INSR: variants seen among roughly 807,000 people sequenced by gnomAD.
The protein encoded by INSR is insulin receptor.
In INSR, 67 loss-of-function variants were observed where a neutral mutation model predicts 142.6. The observed-to-expected ratio is 0.47, with a 90% CI of 0.39 to 0.58. The LOEUF is 0.58. Ranked by LOEUF, INSR falls within the 20% of genes least tolerant of loss-of-function variation. The probability of loss-of-function intolerance (pLI) is 0.00; values close to 1 mark genes in which losing one functional copy is unlikely to be tolerated. For synonymous variants in INSR, 756 were observed against 743.1 expected (o/e 1.02, Z -0.28); for missense variants, 1,248 against 1,833.2 (o/e 0.68, Z 5.83).
intron 14 of INSR, among the ~76,000 whole-genome samples, chr19:7,131,123 G>A (rs1424232762): frequency 5.3e-5 from 8 of 150,072 alleles, no homozygotes; most frequent in African/African-American, 1.5e-4. Context: ...CAAGTGATCC[G>A]CCCACCTCGG....
chr19:7,186,111 G>A lies in INSR; in HGVS notation c.653-1474C>T, dbSNP rs111715044. Among the ~76,000 whole-genome samples, 1,158 of 152,118 alleles carry A rather than the reference G, an allele frequency of 7.6e-3. 17 individuals carry two copies. Among genetic ancestry groups the A allele is most frequent in the East Asian group, 0.029 (151 of 5,174 alleles). On this transcript the variant is annotated intron_variant, in intron 2 of 21. Transcript: ENST00000302850. Reference sequence around the variant, plus strand: ...CTCAGGAGGCTGAGGCAGGAGAATCGCTTGAACCTGGGAGGGGAGGTTGCA... The same window carrying A: ...CTCAGGAGGCTGAGGCAGGAGAATCACTTGAACCTGGGAGGGGAGGTTGCA...
At chr19:7,165,841 T>G (rs1599934272) in intron 8 of INSR, among the ~76,000 whole-genome samples, 2 of 143,042 alleles carry the variant, frequency 1.4e-5, no homozygotes, top group Non-Finnish European at 3.0e-5. Flanking sequence ...CCAGTCCGGG[T>G]GACAGAGTGA....
chr19:7,139,543 G>A (rs1308424500), intron 13 of INSR, among the ~76,000 whole-genome samples: 1 of 152,082 alleles, frequency 6.6e-6, no homozygotes, highest in Non-Finnish European at 1.5e-5. Context: ...ATGGATTAGA[G>A]GCATATGCAC....
At chr19:7,145,916 G>T (rs370444579) in intron 11 of INSR, among the ~76,000 whole-genome samples, 39 of 152,324 alleles carry the variant, frequency 2.6e-4, no homozygotes, top group African/African-American at 8.7e-4. Flanking sequence ...AATGATGTTA[G>T]CTTGGCTGTT....
chr19:7,244,369 CTAA>C (rs1440629278), intron 2 of INSR, among the ~76,000 whole-genome samples: 1 of 152,034 alleles, frequency 6.6e-6, no homozygotes, highest in African/African-American at 2.4e-5. Flanking sequence ...CCCGTCTCTA[CTAA>C]AAATACAAAA....
intron 9 of INSR, among the ~76,000 whole-genome samples, chr19:7,162,510 CAA>C (rs34535970): frequency 0.12 from 14,531 of 118,034 alleles, 912 homozygotes; most frequent in South Asian, 0.27. Context: ...GACCCTGTCT[CAA>C]AAAAAAAAAA....
At chr19:7,291,028 C>G (rs1459220033) in intron 1 of INSR, among the ~76,000 whole-genome samples, 1 of 151,502 alleles carries the variant, frequency 6.6e-6, no homozygotes. Context: ...TGAGATCGTG[C>G]CACTGCACTC....
intron 9 of INSR, among the ~76,000 whole-genome samples, chr19:7,155,014 A>G (rs1374297743): frequency 6.6e-6 from 1 of 152,206 alleles, no homozygotes. Context: ...GTGGACTTAC[A>G]GTCTACAATA....
At chr19:7,293,192 A>C (rs1568243012) in intron 1 of INSR, among the ~76,000 whole-genome samples, 1 of 152,178 alleles carries the variant, frequency 6.6e-6, no homozygotes, top group African/African-American at 2.4e-5. Context: ...GCTGTTGCTA[A>C]GGCTTTAGAA....
chr19:7,221,406 A>AGG (rs749970430), intron 2 of INSR, among the ~76,000 whole-genome samples: 10 of 118,568 alleles, frequency 8.4e-5, no homozygotes, highest in Middle Eastern at 7.1e-3. Context: ...GAGGAGGAGG[A>AGG]AAGAAGAAGA....
intron 2 of INSR, among the ~76,000 whole-genome samples, chr19:7,230,352 G>A (rs1568205073): frequency 6.6e-6 from 1 of 152,278 alleles, no homozygotes; most frequent in East Asian, 1.9e-4. Flanking sequence ...CTTGGTAGCA[G>A]CTGGATCACT....
intron 1 of INSR, among the ~76,000 whole-genome samples, chr19:7,287,442 G>A (rs1271511806): frequency 6.6e-6 from 1 of 151,662 alleles, no homozygotes; most frequent in African/African-American, 2.4e-5. Context: ...GATTACAGGC[G>A]TGAGCCACCA....
intron 2 of INSR, among the ~76,000 whole-genome samples, chr19:7,187,793 G>C (rs960150518): frequency 6.6e-6 from 1 of 151,578 alleles, no homozygotes; most frequent in African/African-American, 2.4e-5. Flanking sequence ...GGCTGGTCTC[G>C]AACTCCTGGC....
chr19:7,117,499 C>A, intron 21 of INSR, 89 bp from the exon 22 acceptor site: 1 of 908,950 alleles, frequency 1.1e-6, no homozygotes, highest in Non-Finnish European at 1.7e-6. Context: ...GCAGCCGACA[C>A]CCACGGACCA....
At position 7,117,270 on chromosome 19, in the gene INSR, G is replaced by A. The variant is rs768514435; in HGVS notation, c.3935C>T (p.Pro1312Leu). ...SFFHSEENKA[P>L]ESEELEMEFE... is the part of the protein sequence containing the mutation. Reference sequence around the variant, plus strand: ...CTCCATCTCCAGCTCCTCACTCTCGGGAGCCTTGTTCTCCTCGCTGTGGAA... The same window carrying A: ...CTCCATCTCCAGCTCCTCACTCTCGAGAGCCTTGTTCTCCTCGCTGTGGAA... Residue 1312 changes from proline to leucine, a missense_variant, in exon 22 of 22, where the codon CCC becomes CTC. Pro to Leu is a moderately conservative substitution (Grantham distance 98, BLOSUM62 -3). This residue lies in a region of INSR where 122 missense variants were observed against 129.8 expected (regional missense o/e 0.94). Coordinates refer to ENST00000302850, the MANE Select transcript of INSR (RefSeq NM_000208.4). The A allele has an allele frequency of 4.3e-6, 7 of 1,614,164 alleles. No homozygotes were observed. Among genetic ancestry groups the A allele is most frequent in the Non-Finnish European group, 5.9e-6 (7 of 1,180,030 alleles).
intron 2 of INSR, among the ~76,000 whole-genome samples, chr19:7,207,506 A>G (rs1454026104): frequency 1.3e-5 from 2 of 152,140 alleles, no homozygotes; most frequent in African/African-American, 4.8e-5. Flanking sequence ...CCACACACAG[A>G]CACTAAGAGG....
At position 7,262,198 on chromosome 19, in the gene INSR, C is replaced by T. The variant is rs181395160; in HGVS notation, c.652+5147G>A. The stretch of plus-strand genomic sequence containing the variant: ...CAAATAAGCCTCCTAAGGCTGGGCG[C>T]GGTAGCTCACGCCTGTAATCCCAGC... On this transcript the variant is annotated intron_variant, in intron 2 of 21. Transcript: ENST00000302850. Among the ~76,000 whole-genome samples the T allele has an allele frequency of 7.9e-5, 12 of 152,200 alleles. No homozygotes were observed. The East Asian group carries it at 1.2e-3, about 15-fold the overall frequency.
intron 2 of INSR, among the ~76,000 whole-genome samples, chr19:7,229,395 TG>T (rs1327972196): frequency 6.7e-6 from 1 of 148,360 alleles, no homozygotes; most frequent in African/African-American, 2.5e-5. Flanking sequence ...AGCAAGGGAG[TG>T]ATAGATATAA....
intron 9 of INSR, among the ~76,000 whole-genome samples, chr19:7,155,191 T>C (rs1973558156): frequency 6.6e-6 from 1 of 151,820 alleles, no homozygotes; most frequent in South Asian, 2.1e-4. Context: ...AATTCAGACA[T>C]AGCAGAAACC....
Sources: allele counts gnomAD v4.1 joint callset (sites outside exome capture counted in the v4.1 genomes callset), GRCh38; gene constraint gnomAD v4.1.1; regional missense constraint gnomAD v4.1.1; transcripts MANE v1.5; gene names NCBI Gene and HGNC (gene_info 2026-07-23, HGNC 2026-07-21).